PRKAR1A: variants seen among roughly 807,000 people sequenced by gnomAD.
The protein encoded by PRKAR1A is cAMP-dependent protein kinase type I-alpha regulatory subunit.
PRKAR1A carries 3 observed loss-of-function variants against 52.0 expected under a neutral mutation model. That is an observed-to-expected ratio of 0.06 (90% CI 0.03 to 0.15). The LOEUF (loss-of-function observed/expected upper bound fraction) is 0.15. Ranked by LOEUF, PRKAR1A falls within the 10% of genes least tolerant of loss-of-function variation. The probability of loss-of-function intolerance (pLI) is 1.00; values close to 1 mark genes in which losing one functional copy is unlikely to be tolerated. For synonymous variants in PRKAR1A, 188 were observed against 168.4 expected (o/e 1.12, Z -0.90); for missense variants, 240 against 477.4 (o/e 0.50, Z 4.63).
At chr17:68,429,293 T>C in the PRKAR1A span, among the ~76,000 whole-genome samples, 5 of 152,224 alleles carry the variant, frequency 3.3e-5, no homozygotes, top group Non-Finnish European at 5.9e-5. Flanking sequence ...AAATGGAGGA[T>C]TGGCTTACTG....
chr17:68,523,905 T>C, intron 4 of PRKAR1A, 89 bp downstream of exon 4: 5 of 1,573,158 alleles, frequency 3.2e-6, no homozygotes, highest in Non-Finnish European at 8.7e-7. Context: ...TTTAGAGCTC[T>C]TAGTAATTGT....
intron 11 of PRKAR1A, chr17:68,539,512 T>TC: frequency 1.1e-5 from 10 of 894,894 alleles, no homozygotes; most frequent in Non-Finnish European, 1.8e-5. Flanking sequence ...ATGCCAGGGA[T>TC]CATGGCAGCT....
At chr17:68,440,793 T>G in the PRKAR1A span, 1 of 152,216 alleles carries the variant, frequency 6.6e-6, no homozygotes, top group Non-Finnish European at 1.5e-5. Context: ...ATTCTCATCT[T>G]GGTATTTAAA....
the PRKAR1A span, among the ~76,000 whole-genome samples, chr17:68,425,535 G>A: frequency 6.6e-6 from 1 of 151,940 alleles, no homozygotes; most frequent in Non-Finnish European, 1.5e-5. Context: ...GTTTCTTAAT[G>A]AGTGTCTGCA....
At chr17:68,450,872 C>G in the PRKAR1A span, 2 of 1,613,730 alleles carry the variant, frequency 1.2e-6, no homozygotes, top group South Asian at 2.2e-5. Flanking sequence ...AGAGGCGCTC[C>G]ACGATGTAGA....
chr17:68,430,980 C>T, the PRKAR1A span, among the ~76,000 whole-genome samples: 3 of 152,276 alleles, frequency 2.0e-5, no homozygotes, highest in South Asian at 4.1e-4. Context: ...GGACAAACCT[C>T]TCTGGGCCTT....
chr17:68,546,332 A>G (rs954700387), intron 11 of PRKAR1A, among the ~76,000 whole-genome samples: 2 of 151,988 alleles, frequency 1.3e-5, no homozygotes, highest in African/African-American at 4.8e-5. Flanking sequence ...TGAACCCCTC[A>G]AAGTCATCCA....
chr17:68,526,935 G>A (rs1455447994), intron 7 of PRKAR1A, among the ~76,000 whole-genome samples: 1 of 152,110 alleles, frequency 6.6e-6, no homozygotes, highest in Non-Finnish European at 1.5e-5. Flanking sequence ...ACAAAAAAAC[G>A]CTTATGGCAA....
chr17:68,436,537 T>G, the PRKAR1A span: 16 of 1,526,966 alleles, frequency 1.0e-5, no homozygotes, highest in Non-Finnish European at 1.4e-5. Context: ...ATTGCACGGC[T>G]GGAGAGGGCA....
the PRKAR1A span, chr17:68,435,719 G>A: frequency 1.2e-6 from 2 of 1,614,026 alleles, no homozygotes; most frequent in Non-Finnish European, 8.5e-7. Context: ...TTTTCTGTTG[G>A]TGAAAAGGAA....
chr17:68,520,138 G>C (rs2085560114), intron 2 of PRKAR1A, among the ~76,000 whole-genome samples: 1 of 152,210 alleles, frequency 6.6e-6, no homozygotes, highest in Non-Finnish European at 1.5e-5. Context: ...AAAGCAGAGG[G>C]AGGGCAGAAG....
the PRKAR1A span, among the ~76,000 whole-genome samples, chr17:68,486,386 C>T: frequency 1.5e-5 from 2 of 135,594 alleles, no homozygotes; most frequent in East Asian, 4.3e-4. Context: ...TTCTTTCTTT[C>T]TCTTTCTTTC....
At chr17:68,522,556 T>C (rs1568694604) in intron 2 of PRKAR1A, among the ~76,000 whole-genome samples, 200 bp from the exon 3 acceptor site, 2 of 152,220 alleles carry the variant, frequency 1.3e-5, no homozygotes, top group Admixed American at 1.3e-4. Flanking sequence ...GCATCTGTTA[T>C]CATCTGAGGT....
chr17:68,480,572 G>A, the PRKAR1A span, among the ~76,000 whole-genome samples: 1 of 152,094 alleles, frequency 6.6e-6, no homozygotes, highest in Non-Finnish European at 1.5e-5. Context: ...TTTTGAAACA[G>A]TGTCTCATTC....
chr17:68,428,761 C>G, the PRKAR1A span: 1 of 1,265,370 alleles, frequency 7.9e-7, no homozygotes, highest in East Asian at 2.3e-5. Context: ...GCTTGTCGTT[C>G]TTGGCGAAGG....
the PRKAR1A span, among the ~76,000 whole-genome samples, chr17:68,476,696 G>T: frequency 6.7e-6 from 1 of 150,200 alleles, no homozygotes; most frequent in Admixed American, 6.7e-5. Context: ...TTCTTAGATG[G>T]AGTCTCGCTC....
At chr17:68,457,510 G>A in the PRKAR1A span, 5 of 1,127,684 alleles carry the variant, frequency 4.4e-6, no homozygotes, top group African/African-American at 6.9e-5. Flanking sequence ...CCGGGTCGCC[G>A]GTCCTGCCCC....
At chr17:68,439,563 TTCCGTGAATA>T in the PRKAR1A span, among the ~76,000 whole-genome samples, 1 of 152,208 alleles carries the variant, frequency 6.6e-6, no homozygotes, top group Non-Finnish European at 1.5e-5. Context: ...GGTTACACAA[TTCCGTGAATA>T]TACCAAAAGC....
the PRKAR1A span, among the ~76,000 whole-genome samples, chr17:68,459,631 C>A: frequency 2.0e-5 from 3 of 152,120 alleles, no homozygotes; most frequent in African/African-American, 4.8e-5. Flanking sequence ...TAGACCAAAT[C>A]ATAGAGTTGT....
Sources: allele counts gnomAD v4.1 joint callset (sites outside exome capture counted in the v4.1 genomes callset), GRCh38; gene constraint gnomAD v4.1.1; transcripts MANE v1.5; gene names NCBI Gene and HGNC (gene_info 2026-07-23, HGNC 2026-07-21).